MNT: variants seen among roughly 807,000 people sequenced by gnomAD.
The protein encoded by MNT is max-binding protein MNT.
MNT carries 13 observed loss-of-function variants against 40.7 expected under a neutral mutation model. The observed-to-expected ratio is 0.32, with a 90% CI of 0.21 to 0.51. The LOEUF (loss-of-function observed/expected upper bound fraction) is 0.51. Ranked by LOEUF, MNT falls within the 20% of genes least tolerant of loss-of-function variation. MNT has a pLI of 0.98. For synonymous variants in MNT, 426 were observed against 354.8 expected, an observed-to-expected ratio of 1.20 and a Z score of -2.26; for missense variants, 757 against 792.0, an observed-to-expected ratio of 0.96 and a Z score of 0.53.
rs2066610766 is a variant in MNT, at chr17:2,400,884, A to G, written c.-172T>C. On this transcript the variant is annotated 5_prime_UTR_variant, in exon 1 of 6. Transcript: ENST00000174618. ...CGGGGGAGCACGGGGAGAAAAATCAATGTCTCTCAAAATATTTGCAAAATA... is the reference window on the plus strand; with the variant it reads ...CGGGGGAGCACGGGGAGAAAAATCAGTGTCTCTCAAAATATTTGCAAAATA... 5 of 432,874 alleles carry G rather than the reference A, an allele frequency of 1.2e-5. No individual in the cohort carries two copies. 26.8% of individuals were successfully genotyped at this position (432,874 alleles called of 1,614,324 possible).
chr17:2,399,912 G>A (rs1313319304), intron 1 of MNT, among the ~76,000 whole-genome samples: 1 of 152,238 alleles, frequency 6.6e-6, no homozygotes, highest in Non-Finnish European at 1.5e-5. Flanking sequence ...CGACCCGCGG[G>A]CCATTTCGCA....
intron 1 of MNT, chr17:2,396,414 A>G (rs1357261714): frequency 1.3e-5 from 2 of 152,174 alleles, no homozygotes; most frequent in Admixed American, 6.6e-5. Flanking sequence ...CAAATACCCA[A>G]CCACTCCAGC....
chr17:2,399,002 C>T (rs1387498008), intron 1 of MNT, among the ~76,000 whole-genome samples: 1 of 151,234 alleles, frequency 6.6e-6, no homozygotes, highest in African/African-American at 2.4e-5. Flanking sequence ...CGCTGCCGCT[C>T]CCCCCTTCCC....
At position 2,394,072 on chromosome 17, in the gene MNT, C is replaced by T. The variant is rs752072267; in HGVS notation, c.778G>A (p.Val260Met). The T allele has an allele frequency of 6.2e-7, 1 of 1,607,034 alleles. No individual in the cohort carries two copies. The highest frequency in any genetic ancestry group is 8.5e-7 in the Non-Finnish European group (1 of 1,177,066). ...VDDKKTSNLS[V>M]LRTALRYIQS... ...ATGTACCGCAGCGCCGTCCGCAGCA[C>T]GCTCAGATTGGACGTCTTCTTGTCA... Residue 260 changes from valine to methionine, a missense_variant, in exon 4 of 6, where the codon GTG becomes ATG. Val to Met is a conservative substitution (Grantham distance 21). Around this residue, in one of 4 missense-constraint regions of MNT, gnomAD observed 73 missense variants for 100.8 expected, o/e 0.72. Transcript: ENST00000174618.
chr17:2,390,824 C>T (rs541067602), intron 4 of MNT: 1 of 152,244 alleles, frequency 6.6e-6, no homozygotes, highest in Admixed American at 6.5e-5. Flanking sequence ...ACACATAACC[C>T]AGGTAGAACC....
chr17:2,389,963 A>C (rs1306515906), intron 4 of MNT: 1 of 152,014 alleles, frequency 6.6e-6, no homozygotes, highest in African/African-American at 2.4e-5. Context: ...AAAAAAAAAA[A>C]GCGGGAGGGT....
intron 1 of MNT, among the ~76,000 whole-genome samples, chr17:2,399,006 C>G (rs1315973832): frequency 1.3e-5 from 2 of 151,742 alleles, no homozygotes; most frequent in Admixed American, 6.6e-5. Flanking sequence ...GCCGCTCCCC[C>G]CTTCCCCCAC....
At position 2,395,269 on chromosome 17, in the gene MNT, T is replaced by C. The variant is rs2066567906; in HGVS notation, c.259A>G (p.Thr87Ala). Residue 87 changes from threonine to alanine, a missense_variant, in exon 2 of 6, where the codon ACT becomes GCT. By Grantham distance (58) the Thr-to-Ala change is moderately conservative. Around this residue, in one of 4 missense-constraint regions of MNT, gnomAD observed 335 missense variants for 291.4 expected, o/e 1.15. Transcript: ENST00000174618. ...PPPLATPAPL[T>A]VIPIPVVTNS... ...GTCACCACAGGGATAGGGATGACAG[T>C]CAGTGGGGCAGGGGTGGCAAGTGGT... 1 of 1,448,352 alleles carries C rather than the reference T, an allele frequency of 6.9e-7. No individual in the cohort carries two copies. Among genetic ancestry groups the C allele is most frequent in the Non-Finnish European group, 9.3e-7 (1 of 1,072,330 alleles). The allele number at this position is 1,448,352 out of a possible 1,614,324, so 89.7% of individuals were successfully genotyped here. A position where few individuals can be genotyped will look rare whatever the true frequency, so the allele number is the denominator to read the frequency against.
rs139019447 is a variant in MNT, at chr17:2,391,650, G to A, written c.807+2393C>T. The A allele has an allele frequency of 7.5e-3, 1,145 of 152,356 alleles. 6 individuals carry two copies. The highest frequency in any genetic ancestry group is 0.012 in the Non-Finnish European group (800 of 68,088). The allele number at this position is 152,356 out of a possible 1,614,324, so 9.4% of individuals were successfully genotyped here. On this transcript the variant is annotated intron_variant, in intron 4 of 5. Transcript: ENST00000174618. ...TCTTCAAACCTTTGACCACCTCCAAGCCACTCCGTATTCTGGCTGGGGACC... is the reference window on the plus strand; with the variant it reads ...TCTTCAAACCTTTGACCACCTCCAAACCACTCCGTATTCTGGCTGGGGACC...
intron 4 of MNT, 147 bp downstream of exon 4, chr17:2,393,896 G>T: frequency 4.8e-6 from 2 of 412,574 alleles, no homozygotes; most frequent in Non-Finnish European, 8.2e-6. Context: ...GACGTCAGCC[G>T]GGCCATGTGC....
In MNT at chr17:2,386,780, C is replaced by A. The variant is rs1258469336; in HGVS notation, c.*121G>T. The A allele has an allele frequency of 7.6e-6, 8 of 1,047,014 alleles. No homozygotes were observed. The highest frequency in any genetic ancestry group is 1.1e-5 in the Non-Finnish European group (8 of 761,308). 64.9% of individuals were successfully genotyped at this position (1,047,014 alleles called of 1,614,324 possible). A position where few individuals can be genotyped will look rare whatever the true frequency, so the allele number is the denominator to read the frequency against. On this transcript the variant is annotated 3_prime_UTR_variant, in exon 6 of 6. Transcript: ENST00000174618. ...CTTTGCACCCCCTTCCCCTAGGAGG[C>A]CTGGGGGTGGGTGGGGGGGCTGGCC...
In MNT at chr17:2,386,676, C is replaced by G. The variant is rs1488261085; in HGVS notation, c.*225G>C. ...GGGCCGGACAGGTGGCACATTCCAT[C>G]AGAGTCTCGCATTTTCTCAGAGTCA... On this transcript the variant is annotated 3_prime_UTR_variant, in exon 6 of 6. Transcript: ENST00000174618. The G allele has an allele frequency of 2.1e-6, 1 of 477,484 alleles. No individual in the cohort carries two copies. Among genetic ancestry groups the G allele is most frequent in the East Asian group, 3.3e-5 (1 of 30,480 alleles). The allele number at this position is 477,484 out of a possible 1,614,324, so 29.6% of individuals were successfully genotyped here.
chr17:2,390,591 CCT>C (rs2066505337), intron 4 of MNT: 1 of 152,222 alleles, frequency 6.6e-6, no homozygotes, highest in East Asian at 1.9e-4. Context: ...CCCCGCCCTC[CCT>C]CTCCATGGAA....
Position 2,400,938 on chromosome 17 carries a change from G to T in MNT, c.-226C>A. ...AATTGCAAATTTAAAAAAATGGGAT[G>T]CAAAAAAAAAAAAAAGGCGGCACTG... On this transcript the variant is annotated 5_prime_UTR_variant, in exon 1 of 6. Transcript: ENST00000174618. 2 of 315,792 alleles carry T rather than the reference G, an allele frequency of 6.3e-6. No homozygotes were observed. The allele number at this position is 315,792 out of a possible 1,614,324, so 19.6% of individuals were successfully genotyped here.
chr17:2,399,506 G>A (rs1193766657), intron 1 of MNT, among the ~76,000 whole-genome samples: 20 of 152,180 alleles, frequency 1.3e-4, no homozygotes, highest in Non-Finnish European at 1.5e-5. Flanking sequence ...CTTGCCTCGG[G>A]ATCAAACACA....
chr17:2,387,189 G>C lies in MNT; in HGVS notation c.1461C>G (p.Pro487=). The part of the protein sequence containing the change: ...PAVQLAPATP[P]IGHITVHPAT... ...CAGGGTGCACAGTGATGTGCCCAAT[G>C]GGGGGTGTGGCAGGCGCCAGTTGCA... Residue 487 remains proline (P), a synonymous_variant, in exon 6 of 6, where the codon CCC becomes CCG. Coordinates refer to ENST00000174618, the MANE Select transcript of MNT (RefSeq NM_020310.3). 2 of 1,607,654 alleles carry C rather than the reference G, an allele frequency of 1.2e-6. No homozygotes were observed. Among genetic ancestry groups the C allele is most frequent in the Non-Finnish European group, 1.7e-6 (2 of 1,177,782 alleles).
At chr17:2,395,528 C>T in intron 1 of MNT, 74 bp from the exon 2 acceptor site, 1 of 1,590,992 alleles carries the variant, frequency 6.3e-7, no homozygotes, top group Admixed American at 1.7e-5. Flanking sequence ...CGTCCTCTGA[C>T]CCTAGCCCAG....
At chr17:2,397,980 G>A (rs1382064474) in intron 1 of MNT, among the ~76,000 whole-genome samples, 3 of 152,250 alleles carry the variant, frequency 2.0e-5, no homozygotes, top group Non-Finnish European at 4.4e-5. Flanking sequence ...CCACAGTCAA[G>A]AGCAGAGCCA....
intron 1 of MNT, 151 bp from the exon 2 acceptor site, chr17:2,395,605 CG>C: frequency 2.1e-6 from 3 of 1,405,102 alleles, no homozygotes; most frequent in Non-Finnish European, 9.5e-7. Context: ...CAGCCAGGCA[CG>C]GGGGAAAGTG....
Sources: gnomAD v4.1 joint callset for allele counts (sites outside exome capture counted in the v4.1 genomes callset) on GRCh38, gnomAD v4.1.1 for gene constraint, gnomAD v4.1.1 regional missense constraint, MANE v1.5 for transcripts, NCBI Gene and HGNC (gene_info 2026-07-23, HGNC 2026-07-21) for gene names.